Variants in NFYA observed in about 807,000 individuals in gnomAD.
The protein encoded by NFYA is CAAT-box DNA binding protein subunit A.
In NFYA, 28 loss-of-function variants were observed where a neutral mutation model predicts 52.8. That is an observed-to-expected ratio of 0.53 (90% confidence interval 0.39 to 0.73). The LOEUF (loss-of-function observed/expected upper bound fraction) is 0.73. Ranked by LOEUF, NFYA falls within the 30% of genes least tolerant of loss-of-function variation. NFYA has a pLI of 0.00. For synonymous variants in NFYA, 150 were observed against 150.7 expected, an observed-to-expected ratio of 1.00 and a Z score of 0.03; for missense variants, 234 against 427.0, an observed-to-expected ratio of 0.55 and a Z score of 3.98.
At chr6:41,094,577 G>A in intron 9 of NFYA, 80 bp downstream of exon 9, 1 of 1,033,186 alleles carries the variant, frequency 9.7e-7, no homozygotes, top group Non-Finnish European at 1.5e-6. Flanking sequence ...GTGTCCTCTT[G>A]CTATTTTCCT....
At chr6:41,096,097 T>A (rs1462195422) in intron 9 of NFYA, among the ~76,000 whole-genome samples, 1 of 152,226 alleles carries the variant, frequency 6.6e-6, no homozygotes, top group African/African-American at 2.4e-5. Flanking sequence ...GTGTTTTTTT[T>A]AACCTGCCAG....
At chr6:41,078,214 T>C (rs1375258715) in intron 1 of NFYA, among the ~76,000 whole-genome samples, 5 of 152,226 alleles carry the variant, frequency 3.3e-5, no homozygotes, top group African/African-American at 1.2e-4. Flanking sequence ...CTTGGACATA[T>C]AGTTGCACAT....
Position 41,091,556 on chromosome 6 carries a change from T to C in NFYA, c.576T>C (p.Thr192=), listed in dbSNP as rs751789060. 1.9e-6 allele frequency: 3 copies of C among 1,614,168 alleles called. No individual in the cohort carries two copies. The South Asian group carries it at 3.3e-5, about 18-fold the overall frequency. ...CAGTCCCTGTTTCAGGCATGATCACTATCCCAGCAGCCAGTTTGGCAGGAG... is the reference window on the plus strand; with the variant it reads ...CAGTCCCTGTTTCAGGCATGATCACCATCCCAGCAGCCAGTTTGGCAGGAG... The part of the protein sequence containing the change: ...QVTVPVSGMI[T]IPAASLAGAQ... Residue 192 remains threonine (T), a synonymous_variant, in exon 7 of 10, where the codon ACT becomes ACC. Coordinates refer to ENST00000341376, the MANE Select transcript of NFYA (RefSeq NM_002505.5).
At chr6:41,076,970 T>C (rs1763749105) in intron 1 of NFYA, among the ~76,000 whole-genome samples, 1 of 152,234 alleles carries the variant, frequency 6.6e-6, no homozygotes, top group Admixed American at 6.5e-5. Context: ...CTTCAAATCT[T>C]GATACTCTTC....
At chr6:41,073,532 C>T (rs1763609485) in intron 1 of NFYA, among the ~76,000 whole-genome samples, 1 of 152,056 alleles carries the variant, frequency 6.6e-6, no homozygotes, top group African/African-American at 2.4e-5. Context: ...CTCTCCGGCC[C>T]TTGGGACAGG....
chr6:41,101,496 A>G lies in NFYA; in HGVS notation c.*4086A>G, dbSNP rs948639913. Among the ~76,000 whole-genome samples the G allele has an allele frequency of 2.0e-5, 3 of 152,116 alleles. No homozygotes were observed. Among genetic ancestry groups the G allele is most frequent in the Admixed American group, 1.3e-4 (2 of 15,278 alleles). Reference sequence around the variant, plus strand: ...TTTTTCCCAACCCCGAGCATTTTCTATTAAGCGTTCTGTTTCAATTATTTT... The same window carrying G: ...TTTTTCCCAACCCCGAGCATTTTCTGTTAAGCGTTCTGTTTCAATTATTTT... On this transcript the variant is annotated 3_prime_UTR_variant, in exon 10 of 10. Coordinates refer to ENST00000341376, the MANE Select transcript of NFYA (RefSeq NM_002505.5).
Position 41,092,235 on chromosome 6 carries a change from A to C in NFYA, c.714+541A>C, listed in dbSNP as rs533808845. 7.0e-4 allele frequency among the ~76,000 whole-genome samples: 107 copies of C among 152,310 alleles called. No homozygotes were observed. In the Middle Eastern group the frequency reaches 0.014, roughly 19 times the overall value. ...AGAGGTGGAGGAAGCTATGAAAAGAAACAGAACCAACCCTGGCTCAGTGGC... is the reference window on the plus strand; with the variant it reads ...AGAGGTGGAGGAAGCTATGAAAAGACACAGAACCAACCCTGGCTCAGTGGC... On this transcript the variant is annotated intron_variant, in intron 7 of 9. Transcript: ENST00000341376.
chr6:41,101,702 C>A lies in NFYA; in HGVS notation c.*4292C>A, dbSNP rs1764505891. Among the ~76,000 whole-genome samples, 1 of 152,138 alleles carries A rather than the reference C, an allele frequency of 6.6e-6. No individual in the cohort carries two copies. Among genetic ancestry groups the A allele is most frequent in the African/African-American group, 2.4e-5 (1 of 41,426 alleles). On this transcript the variant is annotated 3_prime_UTR_variant, in exon 10 of 10. Transcript: ENST00000341376. ...CTGTGTGAGTGGTTCTCTAGCCAGA[C>A]ATGAGGAGGGATCCTATTGTTTCCC...
At chr6:41,090,946 A>G (rs1463331207) in intron 6 of NFYA, among the ~76,000 whole-genome samples, 1 of 152,196 alleles carries the variant, frequency 6.6e-6, no homozygotes, top group Non-Finnish European at 1.5e-5. Context: ...TGTGATTGCA[A>G]ATTTGCAATA....
Position 41,091,593 on chromosome 6 carries a change from C to T in NFYA, c.613C>T (p.Gln205Ter). The T allele has an allele frequency of 6.2e-7, 1 of 1,614,192 alleles. No homozygotes were observed. Among genetic ancestry groups the T allele is most frequent in the Non-Finnish European group, 8.5e-7 (1 of 1,180,028 alleles). Residue 205 changes from glutamine (Q) to a stop codon, truncating the protein, a stop_gained, in exon 7 of 10, where the codon CAA (glutamine) becomes TAA (stop). Transcript: ENST00000341376. LOFTEE classifies it high-confidence loss of function. ...AASLAGAQIV[Q>*]TGANTNTTSS... ...CAGTTTGGCAGGAGCACAGATTGTT[C>T]AAACAGGAGCCAATACCAACACAAC... is the stretch of plus-strand genomic sequence containing the variant.
In NFYA at chr6:41,100,094, T is replaced by C. The variant is rs1350691670; in HGVS notation, c.*2684T>C. 2.0e-5 allele frequency: 3 copies of C among 152,200 alleles called. No homozygotes were observed. Among genetic ancestry groups the C allele is most frequent in the Non-Finnish European group, 4.4e-5 (3 of 68,042 alleles). The allele number at this position is 152,200 out of a possible 1,614,324, so 9.4% of individuals were successfully genotyped here. On this transcript the variant is annotated 3_prime_UTR_variant, in exon 10 of 10. Transcript: ENST00000341376. ...ATGGACGGTGTCTCTGTAAACAGTA[T>C]CAAACTTGTAATGTCTGAGCCTCTT...
At chr6:41,075,103 TTTGA>T (rs1763697646) in intron 1 of NFYA, among the ~76,000 whole-genome samples, 1 of 152,238 alleles carries the variant, frequency 6.6e-6, no homozygotes, top group African/African-American at 2.4e-5. Flanking sequence ...TCTTAATTCA[TTTGA>T]TTGTCACGTT....
rs917312297 is a variant in NFYA, at chr6:41,100,709, A to C, written c.*3299A>C. On this transcript the variant is annotated 3_prime_UTR_variant, in exon 10 of 10. Coordinates refer to ENST00000341376, the MANE Select transcript of NFYA (RefSeq NM_002505.5). ...GATTCTACTCTGTGGTATGAGGGAA[A>C]GACCTCTCGATATTTATCTCACACC... Among the ~76,000 whole-genome samples, 7 of 152,240 alleles carry C rather than the reference A, an allele frequency of 4.6e-5. No homozygotes were observed. Among genetic ancestry groups the C allele is most frequent in the Admixed American group, 2.6e-4 (4 of 15,282 alleles).
chr6:41,089,476 T>G, intron 4 of NFYA, 103 bp from the exon 5 acceptor site: 2 of 1,316,126 alleles, frequency 1.5e-6, no homozygotes, highest in Non-Finnish European at 2.0e-6. Context: ...TTTTTCCTCT[T>G]CAGAACATTT....
chr6:41,086,593 T>G (rs555080585), intron 4 of NFYA, among the ~76,000 whole-genome samples: 1 of 152,274 alleles, frequency 6.6e-6, no homozygotes, highest in South Asian at 2.1e-4. Flanking sequence ...TTGAATTGTA[T>G]TCTCTATTTT....
intron 9 of NFYA, among the ~76,000 whole-genome samples, chr6:41,095,556 G>A (rs925470851): frequency 7.2e-5 from 11 of 151,988 alleles, no homozygotes; most frequent in South Asian, 2.1e-4. Context: ...TTAGGCTCCC[G>A]AGTAGCTGGG....
intron 2 of NFYA, 101 bp downstream of exon 2, chr6:41,079,265 C>A: frequency 8.9e-7 from 1 of 1,127,088 alleles, no homozygotes; most frequent in Non-Finnish European, 1.3e-6. Context: ...TGAAAGATAC[C>A]AGATCTTGTG....
intron 1 of NFYA, chr6:41,075,276 C>T (rs917019708): frequency 6.6e-6 from 1 of 152,204 alleles, no homozygotes; most frequent in Non-Finnish European, 1.5e-5. Context: ...CCTGGAACTC[C>T]TGGGCTCAAG....
intron 9 of NFYA, among the ~76,000 whole-genome samples, chr6:41,097,092 A>G (rs974491826): frequency 2.0e-5 from 3 of 152,248 alleles, no homozygotes; most frequent in African/African-American, 7.2e-5. Flanking sequence ...CAAGGTTCTT[A>G]GGAAAGAGAT....
Sources: allele counts gnomAD v4.1 joint callset (sites outside exome capture counted in the v4.1 genomes callset), GRCh38; gene constraint gnomAD v4.1.1; transcripts MANE v1.5; gene names NCBI Gene and HGNC (gene_info 2026-07-23, HGNC 2026-07-21).